GRIN2A: variants seen among roughly 807,000 people sequenced by gnomAD.
The protein encoded by GRIN2A is glutamate receptor ionotropic, NMDA 2A.
In GRIN2A, 22 loss-of-function variants were observed where a neutral mutation model predicts 113.4. The ratio of observed to expected loss-of-function variants is 0.19; its 90% confidence interval spans 0.14 to 0.28. The LOEUF is 0.28. Ranked by LOEUF, GRIN2A falls within the 10% of genes least tolerant of loss-of-function variation. The probability of loss-of-function intolerance (pLI) is 1.00; values close to 1 mark genes in which losing one functional copy is unlikely to be tolerated. For synonymous variants in GRIN2A, 827 were observed against 738.4 expected (o/e 1.12, Z -1.94); for missense variants, 1,502 against 1,887.0 (o/e 0.80, Z 3.78).
At chr16:9,859,204 CAT>C (rs893021828) in intron 4 of GRIN2A, among the ~76,000 whole-genome samples, 9 of 152,056 alleles carry the variant, frequency 5.9e-5, no homozygotes, top group African/African-American at 1.7e-4. Flanking sequence ...CACACACACA[CAT>C]CTGCCTTTGC....
intron 2 of GRIN2A, among the ~76,000 whole-genome samples, chr16:10,035,876 A>C (rs1428597633): frequency 1.3e-5 from 2 of 152,008 alleles, no homozygotes; most frequent in Non-Finnish European, 2.9e-5. Flanking sequence ...GGTGCTTGCC[A>C]CCATGCCTGG....
chr16:9,787,689 C>A (rs905381738), intron 11 of GRIN2A, among the ~76,000 whole-genome samples: 1 of 152,186 alleles, frequency 6.6e-6, no homozygotes. Flanking sequence ...ATGTAGTTAT[C>A]CTTCTCGTGT....
chr16:10,176,502 T>C (rs930800857), intron 2 of GRIN2A, among the ~76,000 whole-genome samples: 17 of 152,104 alleles, frequency 1.1e-4, no homozygotes, highest in Non-Finnish European at 2.5e-4. Flanking sequence ...ATACACACCA[T>C]GGAATACTAT....
chr16:10,016,186 AG>A (rs2046607566), intron 2 of GRIN2A, among the ~76,000 whole-genome samples: 1 of 150,286 alleles, frequency 6.7e-6, no homozygotes, highest in South Asian at 2.1e-4. Context: ...GTAATGTAAG[AG>A]GCGCAGAGAA....
chr16:10,065,261 C>G (rs1381927184), intron 2 of GRIN2A, among the ~76,000 whole-genome samples: 2 of 152,194 alleles, frequency 1.3e-5, no homozygotes, highest in Admixed American at 6.5e-5. Flanking sequence ...TGCCACCCAG[C>G]CAAGAGCATG....
chr16:10,061,948 G>A (rs781074461), intron 2 of GRIN2A, among the ~76,000 whole-genome samples: 3 of 152,148 alleles, frequency 2.0e-5, no homozygotes, highest in African/African-American at 7.2e-5. Context: ...AAACCATTCC[G>A]TCAGCTTCTC....
chr16:9,958,338 T>C (rs1235032646), intron 2 of GRIN2A, among the ~76,000 whole-genome samples: 5 of 152,150 alleles, frequency 3.3e-5, no homozygotes, highest in Admixed American at 2.6e-4. Flanking sequence ...GTGGGCAATG[T>C]TGGTCTTCTG....
intron 2 of GRIN2A, among the ~76,000 whole-genome samples, chr16:9,985,849 T>C (rs1335267365): frequency 1.3e-5 from 2 of 152,156 alleles, no homozygotes; most frequent in Admixed American, 6.5e-5. Flanking sequence ...TATAATTGGA[T>C]TGTAACACAA....
intron 2 of GRIN2A, among the ~76,000 whole-genome samples, chr16:10,044,418 C>T (rs2047224813): frequency 1.3e-5 from 2 of 151,738 alleles, no homozygotes; most frequent in Admixed American, 1.3e-4. Context: ...GTTTGACTTG[C>T]CTGCCCTCCT....
intron 4 of GRIN2A, among the ~76,000 whole-genome samples, chr16:9,858,429 C>T (rs2043004850): frequency 6.6e-6 from 1 of 151,772 alleles, no homozygotes; most frequent in Non-Finnish European, 1.5e-5. Context: ...CTCAATTCAA[C>T]AAAATAGGTT....
intron 2 of GRIN2A, among the ~76,000 whole-genome samples, chr16:10,107,665 G>T (rs2048525158): frequency 6.6e-6 from 1 of 152,172 alleles, no homozygotes; most frequent in South Asian, 2.1e-4. Flanking sequence ...CCTCCCCCTG[G>T]GAATCCCAGC....
At chr16:9,910,889 T>C (rs1010173109) in intron 3 of GRIN2A, among the ~76,000 whole-genome samples, 2 of 151,992 alleles carry the variant, frequency 1.3e-5, no homozygotes, top group Non-Finnish European at 2.9e-5. Flanking sequence ...CTACAATACC[T>C]CTGGCAGATA....
intron 3 of GRIN2A, among the ~76,000 whole-genome samples, chr16:9,902,445 C>T (rs1017791218): frequency 6.6e-6 from 1 of 152,238 alleles, no homozygotes; most frequent in Non-Finnish European, 1.5e-5. Flanking sequence ...GTCCCGGACA[C>T]TGTGGAATAC....
intron 2 of GRIN2A, among the ~76,000 whole-genome samples, chr16:10,142,230 T>TCA (rs753405389): frequency 2.0e-3 from 297 of 151,466 alleles, no homozygotes; most frequent in Admixed American, 4.2e-3. Context: ...TATATAAGGG[T>TCA]CACACACACA....
intron 3 of GRIN2A, among the ~76,000 whole-genome samples, chr16:9,895,304 C>T (rs1490951164): frequency 1.3e-5 from 2 of 152,150 alleles, no homozygotes; most frequent in Non-Finnish European, 2.9e-5. Flanking sequence ...TTGAGCAGCT[C>T]TTGCTCATGC....
At chr16:9,779,013 G>A (rs993150934) in intron 11 of GRIN2A, among the ~76,000 whole-genome samples, 10 of 152,208 alleles carry the variant, frequency 6.6e-5, no homozygotes, top group Non-Finnish European at 1.5e-4. Flanking sequence ...ACAGTTTTCT[G>A]CTCCTGCATC....
intron 3 of GRIN2A, among the ~76,000 whole-genome samples, chr16:9,932,332 T>G (rs952192756): frequency 1.3e-5 from 2 of 152,226 alleles, no homozygotes; most frequent in South Asian, 2.1e-4. Context: ...GGCTATGGCA[T>G]GAAGAGACAC....
intron 2 of GRIN2A, among the ~76,000 whole-genome samples, chr16:10,005,563 G>C (rs754989476): frequency 1.3e-5 from 2 of 152,274 alleles, no homozygotes; most frequent in South Asian, 4.1e-4. Flanking sequence ...GCCCTACCTG[G>C]AGAAAAAGAT....
intron 2 of GRIN2A, among the ~76,000 whole-genome samples, chr16:10,001,676 G>C (rs1196920956): frequency 6.6e-6 from 1 of 152,154 alleles, no homozygotes; most frequent in Non-Finnish European, 1.5e-5. Flanking sequence ...GCTAATCAAT[G>C]AGCCAGTCAC....
Sources: allele counts gnomAD v4.1 joint callset (sites outside exome capture counted in the v4.1 genomes callset), GRCh38; gene constraint gnomAD v4.1.1; transcripts MANE v1.5; gene names NCBI Gene and HGNC (gene_info 2026-07-23, HGNC 2026-07-21).